SLC9A9: variants seen among roughly 807,000 people sequenced by gnomAD.
The protein encoded by SLC9A9 is solute carrier family 9 member A9.
Under a neutral mutation model 77.8 loss-of-function variants are expected in SLC9A9, and 62 were observed. The observed-to-expected ratio is 0.80, with a 90% CI of 0.65 to 0.98. SLC9A9 has a LOEUF of 0.98. SLC9A9 is among the 50% of genes least tolerant of loss of function. SLC9A9 has a pLI of 0.00. For synonymous variants in SLC9A9, 320 were observed against 283.5 expected (o/e 1.13, Z -1.29); for missense variants, 775 against 774.9 (o/e 1.00, Z 0.00).
At chr3:143,799,241 C>T (rs1016094570) in intron 2 of SLC9A9, among the ~76,000 whole-genome samples, 1 of 152,172 alleles carries the variant, frequency 6.6e-6, no homozygotes, top group African/African-American at 2.4e-5. Context: ...TGCTTTACTG[C>T]CCTAGACCCA....
At chr3:143,340,891 AAT>A (rs1418949749) in intron 14 of SLC9A9, among the ~76,000 whole-genome samples, 1 of 152,192 alleles carries the variant, frequency 6.6e-6, no homozygotes, top group Non-Finnish European at 1.5e-5. Flanking sequence ...AATCTATTGA[AAT>A]TTGCTAGTCA....
intron 2 of SLC9A9, among the ~76,000 whole-genome samples, chr3:143,817,168 G>A (rs2009040763): frequency 7.3e-6 from 1 of 137,552 alleles, no homozygotes; most frequent in African/African-American, 2.7e-5. Context: ...TTGAGACGGA[G>A]TCTCGCTCTG....
chr3:143,302,922 G>T (rs998498777), intron 14 of SLC9A9, among the ~76,000 whole-genome samples: 2 of 152,134 alleles, frequency 1.3e-5, no homozygotes, highest in East Asian at 1.9e-4. Context: ...TCCCTCCCAC[G>T]TTACAAGTCC....
intron 2 of SLC9A9, among the ~76,000 whole-genome samples, chr3:143,820,546 T>A (rs1559813890): frequency 6.6e-6 from 1 of 152,232 alleles, no homozygotes; most frequent in Non-Finnish European, 1.5e-5. Context: ...CTGCTGCTGG[T>A]CCCTTGTGGG....
intron 9 of SLC9A9, among the ~76,000 whole-genome samples, chr3:143,546,686 T>TA (rs1440001689): frequency 4.6e-5 from 7 of 152,184 alleles, no homozygotes; most frequent in Non-Finnish European, 8.8e-5. Context: ...AACCACAAAG[T>TA]AAAACATCTG....
chr3:143,822,090 T>C (rs73869032), intron 2 of SLC9A9, among the ~76,000 whole-genome samples: 5,318 of 152,288 alleles, frequency 0.035, 306 homozygotes, highest in African/African-American at 0.12. Flanking sequence ...TTTGGTGTTT[T>C]AGAGGCCTAG....
chr3:143,507,064 T>C (rs1449882681), intron 9 of SLC9A9, among the ~76,000 whole-genome samples: 7 of 151,886 alleles, frequency 4.6e-5, no homozygotes, highest in African/African-American at 1.5e-4. Context: ...TCCTTATTCA[T>C]CTTGTGCATA....
intron 1 of SLC9A9, among the ~76,000 whole-genome samples, chr3:143,833,386 T>C (rs141272430): frequency 1.8e-3 from 275 of 152,296 alleles, no homozygotes; most frequent in African/African-American, 6.4e-3. Flanking sequence ...GAACAAACAA[T>C]TATAATAAAA....
intron 13 of SLC9A9, among the ~76,000 whole-genome samples, chr3:143,375,445 T>G (rs983167748): frequency 6.6e-6 from 1 of 152,242 alleles, no homozygotes; most frequent in Middle Eastern, 3.2e-3. Context: ...AATGTATCAC[T>G]TCTGATGCTC....
intron 6 of SLC9A9, among the ~76,000 whole-genome samples, chr3:143,649,329 G>C (rs936703604): frequency 2.0e-5 from 3 of 152,150 alleles, no homozygotes; most frequent in Admixed American, 6.5e-5. Flanking sequence ...TTCCCTTTAT[G>C]CTTGAAATAA....
At chr3:143,400,158 C>A (rs984754251) in intron 12 of SLC9A9, among the ~76,000 whole-genome samples, 2 of 152,036 alleles carry the variant, frequency 1.3e-5, no homozygotes, top group Non-Finnish European at 2.9e-5. Flanking sequence ...GATACCCACA[C>A]AAAATAATAA....
intron 4 of SLC9A9, among the ~76,000 whole-genome samples, chr3:143,734,033 C>A (rs1401192072): frequency 6.6e-6 from 1 of 151,920 alleles, no homozygotes; most frequent in African/African-American, 2.4e-5. Context: ...CCTGTGTCTA[C>A]AAAAAATAGA....
At chr3:143,721,038 G>C (rs902091634) in intron 4 of SLC9A9, among the ~76,000 whole-genome samples, 2 of 152,162 alleles carry the variant, frequency 1.3e-5, no homozygotes, top group African/African-American at 4.8e-5. Flanking sequence ...GTGAGACCTT[G>C]TCTCTACAGA....
intron 12 of SLC9A9, among the ~76,000 whole-genome samples, chr3:143,403,353 TTGAA>T (rs1390493383): frequency 6.6e-6 from 1 of 152,158 alleles, no homozygotes; most frequent in Non-Finnish European, 1.5e-5. Flanking sequence ...ATAGACACAA[TTGAA>T]TTTTATATTG....
At chr3:143,461,003 T>C (rs902693754) in intron 12 of SLC9A9, among the ~76,000 whole-genome samples, 24 of 152,310 alleles carry the variant, frequency 1.6e-4, no homozygotes, top group Non-Finnish European at 3.4e-4. Flanking sequence ...CCATGTTTCA[T>C]GAGAGAGCAT....
At chr3:143,632,961 A>T (rs539073387) in intron 6 of SLC9A9, among the ~76,000 whole-genome samples, 23 of 152,308 alleles carry the variant, frequency 1.5e-4, no homozygotes, top group Non-Finnish European at 3.4e-4. Context: ...CAAAGATTTC[A>T]CTTTTCAGTC....
intron 6 of SLC9A9, among the ~76,000 whole-genome samples, chr3:143,634,719 G>A (rs1356160111): frequency 6.6e-6 from 1 of 152,130 alleles, no homozygotes; most frequent in Non-Finnish European, 1.5e-5. Flanking sequence ...GAATAATGGA[G>A]AACTCTTTGT....
At chr3:143,810,416 G>A (rs2008832917) in intron 2 of SLC9A9, among the ~76,000 whole-genome samples, 1 of 152,208 alleles carries the variant, frequency 6.6e-6, no homozygotes, top group African/African-American at 2.4e-5. Flanking sequence ...GATTTATGTA[G>A]TACATTCCTT....
chr3:143,298,712 C>T (rs1370976072), intron 14 of SLC9A9, among the ~76,000 whole-genome samples: 1 of 152,156 alleles, frequency 6.6e-6, no homozygotes, highest in Non-Finnish European at 1.5e-5. Context: ...AACATAACAG[C>T]ACAGGACCTT....
Sources: allele counts gnomAD v4.1 joint callset (sites outside exome capture counted in the v4.1 genomes callset), GRCh38; gene constraint gnomAD v4.1.1; transcripts MANE v1.5; gene names NCBI Gene and HGNC (gene_info 2026-07-23, HGNC 2026-07-21).